PZP: variants seen among roughly 807,000 people sequenced by gnomAD.
PZP encodes the protein PZP alpha-2-macroglobulin like.
PZP carries 150 observed loss-of-function variants against 179.8 expected under a neutral mutation model. The observed-to-expected ratio is 0.83, with a 90% CI of 0.73 to 0.96. The LOEUF is 0.96. PZP is among the 40% of genes least tolerant of loss of function. The pLI is 0.00. For synonymous variants in PZP, 624 were observed against 652.3 expected, an observed-to-expected ratio of 0.96 and a Z score of 0.66; for missense variants, 1,689 against 1,764.0, an observed-to-expected ratio of 0.96 and a Z score of 0.76.
Position 9,181,114 on chromosome 12 carries a change from G to T in PZP, c.1708C>A (p.Pro570Thr). ...TGTGAGGCTGGGGGACTTTGTGCTGGGCTGAAGCTCAAATCCACCTGTGGG... is the reference window on the plus strand; with the variant it reads ...TGTGAGGCTGGGGGACTTTGTGCTGTGCTGAAGCTCAAATCCACCTGTGGG... ...LANKVDLSFS[P>T]AQSPPASHAH... The change falls in exon 15 of 36, where the codon CCA becomes ACA. Residue 570 changes from proline to threonine, a missense_variant. Around this residue, in one of 3 missense-constraint regions of PZP, gnomAD observed 742 missense variants for 730.5 expected, o/e 1.02. Coordinates refer to ENST00000261336, the MANE Select transcript of PZP (RefSeq NM_002864.3). 6.2e-7 allele frequency: 1 copy of T among 1,614,088 alleles called. No individual in the cohort carries two copies. The highest frequency in any genetic ancestry group is 8.5e-7 in the Non-Finnish European group (1 of 1,179,996).
At chr12:9,154,521 A>T in intron 29 of PZP, 95 bp downstream of exon 29, 3 of 1,178,334 alleles carry the variant, frequency 2.5e-6, no homozygotes, top group African/African-American at 1.5e-5. Flanking sequence ...TCAATGATTT[A>T]ATAATTGCCT....
chr12:9,149,708 G>T, intron 34 of PZP, 106 bp from the exon 35 acceptor site: 1 of 995,424 alleles, frequency 1.0e-6, no homozygotes, highest in South Asian at 1.9e-5. Flanking sequence ...CGCCCTATCA[G>T]AATTGTCAAA....
intron 4 of PZP, 94 bp from the exon 5 acceptor site, chr12:9,201,441 T>C (rs1339087963): frequency 2.1e-6 from 2 of 942,624 alleles, no homozygotes; most frequent in East Asian, 2.4e-5. Flanking sequence ...AGGAAGAATA[T>C]TATCTGTAGC....
rs200389879 is a variant in PZP at position 9,153,263 on chromosome 12, G to A, written c.3855C>T (p.Thr1285=). 5.1e-5 allele frequency: 82 copies of A among 1,614,086 alleles called. No individual in the cohort carries two copies. The Middle Eastern group carries it at 1.3e-3, about 26-fold the overall frequency. The change falls in exon 30 of 36, where the codon ACC becomes ACT. Residue 1285 remains threonine (T), a synonymous_variant. Coordinates refer to ENST00000261336, the MANE Select transcript of PZP (RefSeq NM_002864.3). The part of the protein sequence containing the change: ...FTRTEKTAQV[T]VQDSQTFSTN... ...TAGAAAAGGTCTGTGAATCCTGAAC[G>A]GTGACCTGTGCAGTTTTCTCAGTTC... is the stretch of plus-strand genomic sequence containing the variant.
chr12:9,205,191 C>A (rs1038047840), intron 1 of PZP, among the ~76,000 whole-genome samples: 11 of 152,050 alleles, frequency 7.2e-5, no homozygotes, highest in Admixed American at 7.2e-4. Context: ...TTCAGTTTTT[C>A]AGAGGCACAG....
intron 35 of PZP, 126 bp downstream of exon 35, chr12:9,149,435 G>T: frequency 1.1e-6 from 1 of 920,452 alleles, no homozygotes; most frequent in Non-Finnish European, 1.6e-6. Context: ...TTTTGTCTTG[G>T]TGTGAGGACA....
At chr12:9,180,833 C>G (rs1401707003) in intron 15 of PZP, 150 bp downstream of exon 15, 15 of 721,616 alleles carry the variant, frequency 2.1e-5, no homozygotes, top group Non-Finnish European at 3.1e-5. Flanking sequence ...TTCTGCACAG[C>G]AAAAGAAACT....
chr12:9,141,194 AAT>A, the PZP span, among the ~76,000 whole-genome samples: 2 of 152,220 alleles, frequency 1.3e-5, no homozygotes, highest in African/African-American at 4.8e-5. Flanking sequence ...ATATATCAGA[AAT>A]ATAGGAGTCT....
Position 9,160,442 on chromosome 12 carries a change from A to G in PZP, c.2921T>C (p.Met974Thr). 1 of 1,613,996 alleles carries G rather than the reference A, an allele frequency of 6.2e-7. No individual in the cohort carries two copies. The highest frequency in any genetic ancestry group is 1.3e-5 in the African/African-American group (1 of 75,050). Residue 974 changes from methionine to threonine, a missense_variant, in exon 24 of 36, where the codon ATG (methionine) becomes ACG (threonine). By Grantham distance (81) the Met-to-Thr change is moderately conservative. Coordinates refer to ENST00000261336, the MANE Select transcript of PZP (RefSeq NM_002864.3). ...AMQNIQNLLQMPYGCGEQNMV... is the reference protein window; with the variant it reads ...AMQNIQNLLQTPYGCGEQNMV... ...GTTCTGTTCTCCACAGCCATATGGC[A>G]TCTGGAGGAGATTTTGTATATTTTG...
chr12:9,175,298 T>C (rs1489267612), intron 15 of PZP, among the ~76,000 whole-genome samples: 1 of 152,108 alleles, frequency 6.6e-6, no homozygotes, highest in African/African-American at 2.4e-5. Flanking sequence ...TTTCACCATA[T>C]ACAAAAATTA....
At chr12:9,162,490 A>G in intron 22 of PZP, 107 bp downstream of exon 22, 1 of 807,262 alleles carries the variant, frequency 1.2e-6, no homozygotes. Flanking sequence ...GCTGACTTTC[A>G]TGGAACACTC....
intron 19 of PZP, 24 bp from the exon 20 acceptor site, chr12:9,164,283 A>G: frequency 6.2e-7 from 1 of 1,609,516 alleles, no homozygotes; most frequent in Non-Finnish European, 8.5e-7. Flanking sequence ...TGAGGCAGAG[A>G]CAGAAATGAT....
chr12:9,169,019 A>T (rs749691316), intron 16 of PZP, 45 bp from the exon 17 acceptor site: 3 of 1,390,798 alleles, frequency 2.2e-6, no homozygotes, highest in Non-Finnish European at 2.0e-6. Flanking sequence ...CTTGATTAGA[A>T]TATATAAAAC....
At chr12:9,159,817 C>A in intron 25 of PZP, 121 bp downstream of exon 25, 1 of 872,446 alleles carries the variant, frequency 1.1e-6, no homozygotes, top group Middle Eastern at 3.6e-4. Flanking sequence ...AATTTCTTTT[C>A]TTTATAAATT....
At chr12:9,161,815 A>G (rs1941223557) in intron 22 of PZP, among the ~76,000 whole-genome samples, 3 of 152,214 alleles carry the variant, frequency 2.0e-5, no homozygotes, top group Non-Finnish European at 4.4e-5. Flanking sequence ...ATGAACTTAA[A>G]TGTAAATTAT....
Position 9,192,599 on chromosome 12 carries a change from G to C in PZP, c.1395C>G (p.Pro465=). ...IHLEPVAGTL[P]CGHTETITAH... is the part of the protein sequence containing the mutation. ...CCGTGATAGTCTCCGTGTGGCCACA[G>C]GGCAGGGTACCAGCCACAGGCTCCA... Residue 465 remains proline, a synonymous_variant, in exon 12 of 36, where the codon CCC becomes CCG. Transcript: ENST00000261336. The C allele has an allele frequency of 1.2e-6, 2 of 1,614,170 alleles. No individual in the cohort carries two copies. Among genetic ancestry groups the C allele is most frequent in the Non-Finnish European group, 8.5e-7 (1 of 1,180,022 alleles).
intron 1 of PZP, among the ~76,000 whole-genome samples, chr12:9,204,536 CT>C (rs1286027956): frequency 6.6e-6 from 1 of 152,200 alleles, no homozygotes; most frequent in East Asian, 1.9e-4. Flanking sequence ...AAAGTATTTG[CT>C]GTTTCTCTTA....
At chr12:9,196,888 A>G in intron 8 of PZP, 124 bp downstream of exon 8, 1 of 842,094 alleles carries the variant, frequency 1.2e-6, no homozygotes, top group East Asian at 2.5e-5. Flanking sequence ...AAGAACAGAA[A>G]TTCGTTTTTT....
At chr12:9,150,264 G>T (rs1940252821) in intron 34 of PZP, among the ~76,000 whole-genome samples, 1 of 152,066 alleles carries the variant, frequency 6.6e-6, no homozygotes, top group South Asian at 2.1e-4. Context: ...TGTTCAGTAA[G>T]TTTTTGTTTT....
Sources: gnomAD v4.1 joint callset for allele counts (sites outside exome capture counted in the v4.1 genomes callset) on GRCh38, gnomAD v4.1.1 for gene constraint, gnomAD v4.1.1 regional missense constraint, MANE v1.5 for transcripts, NCBI Gene and HGNC (gene_info 2026-07-23, HGNC 2026-07-21) for gene names.